Variants in CPT1A observed in about 807,000 individuals in gnomAD.
CPT1A encodes carnitine palmitoyltransferase 1A.
A neutral mutation model predicts 100.8 loss-of-function variants in CPT1A; 64 were observed. That is an observed-to-expected ratio of 0.63 (90% CI 0.52 to 0.78). CPT1A has a LOEUF of 0.78. CPT1A is among the 30% of genes least tolerant of loss of function. The probability of loss-of-function intolerance (pLI) is 0.00; values close to 1 mark genes in which losing one functional copy is unlikely to be tolerated. For missense variants in CPT1A, 802 were observed against 1,034.1 expected, an observed-to-expected ratio of 0.78 and a Z score of 3.08; for synonymous variants, 363 against 396.0, an observed-to-expected ratio of 0.92 and a Z score of 0.99.
intron 1 of CPT1A, among the ~76,000 whole-genome samples, chr11:68,839,217 C>G (rs1200751456): frequency 6.6e-6 from 1 of 152,224 alleles, no homozygotes; most frequent in Admixed American, 6.5e-5. Flanking sequence ...CCTTGGCCCG[C>G]GCAGGCTCCG....
intron 14 of CPT1A, among the ~76,000 whole-genome samples, chr11:68,770,922 T>C (rs1014462981): frequency 6.6e-6 from 1 of 152,242 alleles, no homozygotes; most frequent in Non-Finnish European, 1.5e-5. Flanking sequence ...GCGTACGAGC[T>C]GGAGCCCTCA....
At position 68,793,048 on chromosome 11, in the gene CPT1A, AAAAT is replaced by A. The variant is rs10591978; in HGVS notation, c.967+263_967+266del. The stretch of plus-strand genomic sequence containing the variant: ...GGGTGGCAGAGAGAGACCTCATGTC[AAAAT>A]AAATAAATAAATAAATAAATCAAAC... On this transcript the variant is annotated intron_variant, in intron 9 of 18. Transcript: ENST00000265641. 1 allele frequency among the ~76,000 whole-genome samples: 151,374 copies of A among 151,392 alleles called. 75,679 individuals carry two copies. The highest frequency in any genetic ancestry group is 1 in the Middle Eastern group (294 of 294).
intron 1 of CPT1A, chr11:68,839,827 G>A (rs2154003230): frequency 4.4e-6 from 2 of 454,770 alleles, no homozygotes; most frequent in African/African-American, 2.1e-5. Context: ...CACTGGTCCG[G>A]GGCCGGGGCC....
At chr11:68,832,510 C>T (rs1203279026) in intron 1 of CPT1A, among the ~76,000 whole-genome samples, 2 of 152,126 alleles carry the variant, frequency 1.3e-5, no homozygotes, top group Non-Finnish European at 2.9e-5. Flanking sequence ...AAAACTTATA[C>T]TCTTAACTCC....
chr11:68,815,792 CGTGGT>C (rs1445493202), intron 1 of CPT1A, among the ~76,000 whole-genome samples: 1 of 140,650 alleles, frequency 7.1e-6, no homozygotes, highest in African/African-American at 2.7e-5. Context: ...CATCCAGGCC[CGTGGT>C]ACCTCAACTC....
At chr11:68,796,386 G>A (rs189906758) in intron 7 of CPT1A, among the ~76,000 whole-genome samples, 30 of 152,172 alleles carry the variant, frequency 2.0e-4, no homozygotes, top group Admixed American at 5.9e-4. Context: ...GTCAAACCCC[G>A]TCTCTACTAA....
At chr11:68,778,749 G>A (rs1031593040) in intron 12 of CPT1A, among the ~76,000 whole-genome samples, 2 of 151,850 alleles carry the variant, frequency 1.3e-5, no homozygotes, top group Admixed American at 6.6e-5. Flanking sequence ...AAAAAAGAAG[G>A]TCATACATTA....
chr11:68,812,139 G>A (rs550498666), intron 3 of CPT1A, among the ~76,000 whole-genome samples: 2 of 152,316 alleles, frequency 1.3e-5, no homozygotes, highest in African/African-American at 4.8e-5. Flanking sequence ...TATTGGCCAG[G>A]CTAAGGGCAC....
At chr11:68,842,662 G>A (rs79790875), upstream of CPT1A, among the ~76,000 whole-genome samples, 2,395 of 152,296 alleles carry the variant, frequency 0.016, 70 homozygotes, top group African/African-American at 0.054. Flanking sequence ...TAGGTGCTGG[G>A]AGAGGAGTAG....
At chr11:68,836,682 G>T (rs554234753) in intron 1 of CPT1A, among the ~76,000 whole-genome samples, 54 of 151,812 alleles carry the variant, frequency 3.6e-4, no homozygotes, top group Non-Finnish European at 7.4e-4. Context: ...TGAGGCAGGA[G>T]AATCACTTGA....
intron 14 of CPT1A, among the ~76,000 whole-genome samples, chr11:68,767,445 C>T (rs1854840212): frequency 6.6e-6 from 1 of 152,066 alleles, no homozygotes; most frequent in East Asian, 1.9e-4. Context: ...AAAAATTAGA[C>T]GGGCCTGGTG....
rs34991663 is a variant in CPT1A, at chr11:68,808,373, C to CT, written c.282-736dup. ...ACTTTAAAAATGAGATGAAATTCAGCTTTTTTTTTTTTTTCGAGACAAGAG... is the reference window on the plus strand; with the variant it reads ...ACTTTAAAAATGAGATGAAATTCAGCTTTTTTTTTTTTTTTCGAGACAAGAG... On this transcript the variant is annotated intron_variant, in intron 3 of 18. Coordinates refer to ENST00000265641, the MANE Select transcript of CPT1A (RefSeq NM_001876.4). Among the ~76,000 whole-genome samples the CT allele has an allele frequency of 7.6e-3, 1,067 of 140,074 alleles. 8 individuals carry two copies. Among genetic ancestry groups the CT allele is most frequent in the African/African-American group, 0.018 (710 of 38,542 alleles). 91.9% of individuals were successfully genotyped at this position (140,074 alleles called of 152,430 possible).
intron 1 of CPT1A, among the ~76,000 whole-genome samples, chr11:68,823,439 A>T (rs1488133734): frequency 6.6e-6 from 1 of 152,102 alleles, no homozygotes; most frequent in East Asian, 1.9e-4. Context: ...TTTCTTCCAT[A>T]TCCTGTCCAC....
At chr11:68,784,712 G>T in intron 10 of CPT1A, 103 bp downstream of exon 10, 1 of 1,138,272 alleles carries the variant, frequency 8.8e-7, no homozygotes, top group Non-Finnish European at 1.3e-6. Context: ...GAGGTGGGGA[G>T]TCCCGTGCCA....
Position 68,793,214 on chromosome 11 carries a change from G to C in CPT1A, c.967+101C>G, listed in dbSNP as rs1156405782. 3 of 772,324 alleles carry C rather than the reference G, an allele frequency of 3.9e-6. No homozygotes were observed. The East Asian group carries it at 8.2e-5, about 21-fold the overall frequency. The allele number at this position is 772,324 out of a possible 1,614,324, so 47.8% of individuals were successfully genotyped here. A position where few individuals can be genotyped will look rare whatever the true frequency, so the allele number is the denominator to read the frequency against. On this transcript the variant is annotated intron_variant, in intron 9 of 18. Transcript: ENST00000265641. ...TTCACCAGCCTACAATCTCAGGAAG[G>C]GTCAGCAAAAATCAATTTGGCCCCT...
intron 11 of CPT1A, among the ~76,000 whole-genome samples, chr11:68,781,167 C>G (rs1371696593): frequency 2.6e-5 from 4 of 152,206 alleles, no homozygotes; most frequent in African/African-American, 9.6e-5. Flanking sequence ...AACCCTGTGC[C>G]TAGCCCTGTT....
chr11:68,787,219 G>A (rs10791998), intron 9 of CPT1A, among the ~76,000 whole-genome samples: 121,441 of 151,730 alleles, frequency 0.8, 49,482 homozygotes, highest in South Asian at 0.89. Context: ...GGCGGATCAC[G>A]AGGTCAGGAG....
intron 5 of CPT1A, among the ~76,000 whole-genome samples, chr11:68,799,778 A>G (rs903815211): frequency 6.6e-6 from 1 of 151,998 alleles, no homozygotes; most frequent in African/African-American, 2.4e-5. Context: ...GAAAAAGTTT[A>G]GACTCTTCCC....
intron 14 of CPT1A, among the ~76,000 whole-genome samples, chr11:68,763,775 C>T (rs1854705962): frequency 6.6e-6 from 1 of 152,160 alleles, no homozygotes; most frequent in African/African-American, 2.4e-5. Flanking sequence ...GGTCAGCGCT[C>T]ACTCGTGGGG....
Sources: allele counts gnomAD v4.1 joint callset (sites outside exome capture counted in the v4.1 genomes callset), GRCh38; gene constraint gnomAD v4.1.1; transcripts MANE v1.5; gene names NCBI Gene and HGNC (gene_info 2026-07-23, HGNC 2026-07-21).